Variants in RBFOX1 observed in about 807,000 individuals in gnomAD.
RBFOX1 encodes RNA binding protein fox-1 homolog 1.
RBFOX1 carries 8 observed loss-of-function variants against 57.7 expected under a neutral mutation model. The observed-to-expected ratio is 0.14, with a 90% CI of 0.08 to 0.25. The LOEUF (loss-of-function observed/expected upper bound fraction) is 0.25. Ranked by LOEUF, RBFOX1 falls within the 10% of genes least tolerant of loss-of-function variation. The probability of loss-of-function intolerance (pLI) is 1.00; values close to 1 mark genes in which losing one functional copy is unlikely to be tolerated. For missense variants in RBFOX1, 611 were observed against 548.5 expected, an observed-to-expected ratio of 1.11 and a Z score of -1.14; for synonymous variants, 326 against 222.4, an observed-to-expected ratio of 1.47 and a Z score of -4.15.
chr16:7,159,891 T>G lies in RBFOX1; in HGVS notation c.27+107793T>G, dbSNP rs542040409. On this transcript the variant is annotated intron_variant, in intron 4 of 15. Coordinates refer to ENST00000550418, the MANE Select transcript of RBFOX1 (RefSeq NM_018723.4). ...CTTGGCTTTGATCATATATACTAAT[T>G]ATTGCTAATATAGGCACCAGATGAT... 2.6e-5 allele frequency among the ~76,000 whole-genome samples: 4 copies of G among 152,338 alleles called. No individual in the cohort carries two copies. In the South Asian group the frequency reaches 8.3e-4, roughly 32 times the overall value.
At chr16:6,766,729 C>T (rs150153126) in intron 3 of RBFOX1, among the ~76,000 whole-genome samples, 1 of 151,962 alleles carries the variant, frequency 6.6e-6, no homozygotes, top group African/African-American at 2.4e-5. Context: ...GAATGTTATG[C>T]CAGTGAATTC....
chr16:6,854,798 G>C (rs1056363260), intron 3 of RBFOX1, among the ~76,000 whole-genome samples: 1 of 151,952 alleles, frequency 6.6e-6, no homozygotes, highest in Admixed American at 6.6e-5. Context: ...GTTTCACCAT[G>C]TTAGCCAGGA....
chr16:7,026,714 C>A (rs569025156), intron 3 of RBFOX1, among the ~76,000 whole-genome samples: 2 of 152,170 alleles, frequency 1.3e-5, no homozygotes, highest in Non-Finnish European at 2.9e-5. Context: ...TGCCTCTGAA[C>A]CCTCTTTCTT....
intron 1 of RBFOX1, among the ~76,000 whole-genome samples, chr16:6,070,528 G>A (rs2152483383): frequency 6.6e-6 from 1 of 152,278 alleles, no homozygotes; most frequent in East Asian, 1.9e-4. Context: ...AGTCACTCTT[G>A]TTTTTAGATT....
At chr16:7,315,470 A>G (rs1022188813) in intron 4 of RBFOX1, among the ~76,000 whole-genome samples, 1 of 137,898 alleles carries the variant, frequency 7.3e-6, no homozygotes, top group Non-Finnish European at 1.7e-5. Context: ...CCCCCCCCAT[A>G]CTGGGGGCTT....
At chr16:5,458,123 A>G (rs1047854964) in intron 1 of RBFOX1, among the ~76,000 whole-genome samples, 12 of 152,230 alleles carry the variant, frequency 7.9e-5, no homozygotes, top group Non-Finnish European at 1.8e-4. Flanking sequence ...TGCAATGGAT[A>G]TCAAATTAAA....
At chr16:6,753,078 T>TA (rs35392674) in intron 3 of RBFOX1, among the ~76,000 whole-genome samples, 95,654 of 151,766 alleles carry the variant, frequency 0.63, 30,292 homozygotes, top group South Asian at 0.74. Flanking sequence ...AGTAATGGCA[T>TA]AAAAAAATAC....
chr16:7,318,993 T>G (rs577983732), intron 4 of RBFOX1, among the ~76,000 whole-genome samples: 3 of 152,336 alleles, frequency 2.0e-5, no homozygotes, highest in East Asian at 3.9e-4. Context: ...ACATATGGGA[T>G]GAACCACACT....
At chr16:5,671,097 C>T (rs1019282497) in intron 3 of RBFOX1, among the ~76,000 whole-genome samples, 6 of 152,220 alleles carry the variant, frequency 3.9e-5, no homozygotes, top group African/African-American at 1.4e-4. Context: ...GAGAAACATC[C>T]ATTAGAAAGC....
At chr16:5,438,752 G>A (rs1384375422) in intron 1 of RBFOX1, among the ~76,000 whole-genome samples, 2 of 152,114 alleles carry the variant, frequency 1.3e-5, no homozygotes, top group Non-Finnish European at 2.9e-5. Context: ...TGGCCTGTGA[G>A]TATTTGTGAC....
intron 3 of RBFOX1, among the ~76,000 whole-genome samples, chr16:6,859,459 CAGA>C (rs2058625895): frequency 1.3e-5 from 2 of 151,848 alleles, no homozygotes; most frequent in Admixed American, 6.6e-5. Flanking sequence ...ACTTGATAAG[CAGA>C]AGAACAGTTG....
chr16:6,021,007 C>G (rs1174482488), intron 1 of RBFOX1, among the ~76,000 whole-genome samples: 1 of 152,144 alleles, frequency 6.6e-6, no homozygotes, highest in Non-Finnish European at 1.5e-5. Context: ...CTGGGGTGCA[C>G]CTGCTGGCAC....
rs548683419 is a variant in RBFOX1, at chr16:5,371,303, C to G, written c.220-95913C>G. Among the ~76,000 whole-genome samples, 42 of 152,288 alleles carry G rather than the reference C, an allele frequency of 2.8e-4. 1 individual carries two copies. Among genetic ancestry groups the G allele is most frequent in the Admixed American group, 1.6e-3 (24 of 15,308 alleles). On this transcript the variant is annotated intron_variant, in intron 1 of 2. Transcript: ENST00000585867. ...TAAAATGAGGCCCTTAAGAAGGGCC[C>G]TCATCCAATCTGACTAGTGTTCTGA... is the stretch of plus-strand genomic sequence containing the variant.
chr16:5,922,589 A>ACAGT (rs2058848823), intron 4 of RBFOX1, among the ~76,000 whole-genome samples: 2 of 152,258 alleles, frequency 1.3e-5, no homozygotes, highest in South Asian at 4.1e-4. Context: ...CCCGTGGTGC[A>ACAGT]CAGTCATCCG....
intron 13 of RBFOX1, among the ~76,000 whole-genome samples, chr16:7,665,443 G>C (rs1351980740): frequency 6.6e-6 from 1 of 152,164 alleles, no homozygotes; most frequent in Non-Finnish European, 1.5e-5. Context: ...ACATGGACAA[G>C]TTTAGCCCTA....
chr16:7,426,927 T>C (rs1450912361), intron 4 of RBFOX1, among the ~76,000 whole-genome samples: 3 of 152,160 alleles, frequency 2.0e-5, no homozygotes, highest in African/African-American at 7.2e-5. Context: ...TGGAATACTA[T>C]GCAGCCATAA....
intron 3 of RBFOX1, among the ~76,000 whole-genome samples, chr16:6,841,659 A>G (rs765414638): frequency 3.3e-5 from 5 of 152,080 alleles, no homozygotes; most frequent in South Asian, 2.1e-4. Flanking sequence ...TTGAGTAGTA[A>G]CAGAGTGCTT....
At chr16:7,515,509 A>T (rs1335038403) in intron 4 of RBFOX1, among the ~76,000 whole-genome samples, 2 of 152,084 alleles carry the variant, frequency 1.3e-5, no homozygotes, top group African/African-American at 4.8e-5. Flanking sequence ...ACACAAATGG[A>T]GATCATGTAG....
At chr16:5,545,298 T>TG (rs2045146345) in intron 2 of RBFOX1, among the ~76,000 whole-genome samples, 1 of 60,624 alleles carries the variant, frequency 1.6e-5, no homozygotes, top group Admixed American at 2.2e-4. Flanking sequence ...CTAACAAATA[T>TG]TAAAGAAATA....
Sources: allele counts gnomAD v4.1 joint callset (sites outside exome capture counted in the v4.1 genomes callset), GRCh38; gene constraint gnomAD v4.1.1; transcripts MANE v1.5; gene names NCBI Gene and HGNC (gene_info 2026-07-23, HGNC 2026-07-21).